The following SYNE3 variants were observed in gnomAD, a reference collection of about 807,000 sequenced individuals.
SYNE3 encodes the protein nesprin-3.
A neutral mutation model predicts 111.2 loss-of-function variants in SYNE3; 100 were observed. The ratio of observed to expected loss-of-function variants is 0.90; its 90% CI spans 0.77 to 1.06. The LOEUF is 1.06. Ranked by LOEUF, SYNE3 falls within the 50% of genes least tolerant of loss-of-function variation. SYNE3 has a pLI of 0.00. For missense variants in SYNE3, 1,160 were observed against 1,240.3 expected (o/e 0.94, Z 0.97); for synonymous variants, 547 against 533.9 (o/e 1.02, Z -0.34).
At position 95,455,419 on chromosome 14, in the gene SYNE3, C is replaced by A; in HGVS notation, c.1095G>T (p.Ala365=). 6.4e-7 allele frequency: 1 copy of A among 1,569,868 alleles called. No homozygotes were observed. The highest frequency in any genetic ancestry group is 1.9e-5 in the Admixed American group (1 of 51,808). ...AQEGLQPAAK[A]GTEDELVAHW... ...GTGCCACCAGCTCGTCCTCGGTCCC[C>A]GCTTTCGCCGCAGGCTGCAGGCCCT... The change falls in exon 6 of 18, where the codon GCG becomes GCT. Residue 365 remains alanine, a synonymous_variant. Transcript: ENST00000682763.
rs1889469012 is a variant in SYNE3, at chr14:95,485,017, A to G, written c.-14-9182T>C. On this transcript the variant is annotated intron_variant, in intron 1 of 17. Coordinates refer to ENST00000682763, the MANE Select transcript of SYNE3 (RefSeq NM_152592.6). This position sits in a 1 kb window ranked among gnomAD's most constrained non-coding sequence, Gnocchi z 4.3. Reference sequence around the variant, plus strand: ...GAATTTGCATTTCTAATGAGTATTTAGGTAACGTTGACACTGCTGCTCCAG... The same window carrying G: ...GAATTTGCATTTCTAATGAGTATTTGGGTAACGTTGACACTGCTGCTCCAG... Among the ~76,000 whole-genome samples, 1 of 152,130 alleles carries G rather than the reference A, an allele frequency of 6.6e-6. No homozygotes were observed. The highest frequency in any genetic ancestry group is 2.4e-5 in the African/African-American group (1 of 41,414).
At position 95,417,929 on chromosome 14, in the gene SYNE3, A is replaced by G; in HGVS notation, c.2825T>C (p.Phe942Ser). 6.2e-7 allele frequency: 1 copy of G among 1,614,122 alleles called. No homozygotes were observed. The highest frequency in any genetic ancestry group is 8.5e-7 in the Non-Finnish European group (1 of 1,180,026). The part of the protein sequence containing the change: ...LLLLLFLLLL[F>S]LLPIREEDRS... ...GTCCTCTTCCCTGATTGGGAGCAGG[A>G]ACAGCAGGAGGAGGAACAGCAGCAG... The change falls in exon 18 of 18, where the codon TTC (phenylalanine) becomes TCC (serine). Residue 942 changes from phenylalanine to serine, a missense_variant. Transcript: ENST00000682763.
At chr14:95,429,062 T>A (rs1885594590) in intron 17 of SYNE3, among the ~76,000 whole-genome samples, 1 of 152,240 alleles carries the variant, frequency 6.6e-6, no homozygotes, top group Admixed American at 6.5e-5. Context: ...TGTGCATACG[T>A]GCATGCGTGC....
rs34866057 is a variant in SYNE3 at position 95,491,773 on chromosome 14, T to TAA, written c.-14-15940_-14-15939dup. The stretch of plus-strand genomic sequence containing the variant: ...TTTTGTACTTCAAAGGCAAAAATGT[T>TAA]AAAAAAAAAAAAAAAAGTGACACCA... On this transcript the variant is annotated intron_variant, in intron 1 of 17. Coordinates refer to ENST00000682763, the MANE Select transcript of SYNE3 (RefSeq NM_152592.6). 9.4e-3 allele frequency among the ~76,000 whole-genome samples: 1,284 copies of TAA among 136,854 alleles called. 18 individuals carry two copies. The highest frequency in any genetic ancestry group is 0.013 in the Non-Finnish European group (811 of 62,400). 89.8% of individuals were successfully genotyped at this position (136,854 alleles called of 152,430 possible). A position where few individuals can be genotyped will look rare whatever the true frequency, so the allele number is the denominator to read the frequency against.
intron 4 of SYNE3, among the ~76,000 whole-genome samples, chr14:95,460,759 C>G: frequency 6.6e-6 from 1 of 152,174 alleles, no homozygotes; most frequent in South Asian, 2.1e-4. Flanking sequence ...CTGGAGCCTC[C>G]TCCATCAACA....
Position 95,466,243 on chromosome 14 carries a change from G to C in SYNE3, c.318-3C>G. ...GCAGCCACACCCACTCGATGCGGCT[G>C]TGGGCACAGAGACCTCAAGGTTGTG... On this transcript the variant is annotated splice_region_variant and splice_polypyrimidine_tract_variant and intron_variant, in intron 3 of 17. Coordinates refer to ENST00000682763, the MANE Select transcript of SYNE3 (RefSeq NM_152592.6). The C allele has an allele frequency of 6.4e-7, 1 of 1,558,824 alleles. No individual in the cohort carries two copies. The highest frequency in any genetic ancestry group is 8.7e-7 in the Non-Finnish European group (1 of 1,145,078).
chr14:95,450,505 T>TCTC (rs1887007022), intron 7 of SYNE3: 1 of 167,128 alleles, frequency 6.0e-6, no homozygotes, highest in Non-Finnish European at 1.3e-5. Flanking sequence ...CAAGACCCCA[T>TCTC]CCCCCCCAAA....
chr14:95,494,032 T>C (rs2139577358), intron 1 of SYNE3, among the ~76,000 whole-genome samples: 1 of 152,160 alleles, frequency 6.6e-6, no homozygotes. Context: ...TCTAACACCA[T>C]TTAGCCAGGT....
chr14:95,461,771 C>A (rs537858652), intron 4 of SYNE3, among the ~76,000 whole-genome samples: 2 of 152,252 alleles, frequency 1.3e-5, no homozygotes, highest in African/African-American at 2.4e-5. Flanking sequence ...TGGAGTCAGA[C>A]GACTGCCCCA....
intron 17 of SYNE3, 50 bp from the exon 18 acceptor site, chr14:95,418,076 G>T (rs750432904): frequency 1.8e-5 from 28 of 1,594,596 alleles, no homozygotes; most frequent in Non-Finnish European, 2.3e-5. Context: ...CTCTGGTGGT[G>T]GGGGGCAGGT....
intron 2 of SYNE3, among the ~76,000 whole-genome samples, chr14:95,475,275 G>A (rs1348053447): frequency 6.6e-6 from 1 of 152,196 alleles, no homozygotes; most frequent in Non-Finnish European, 1.5e-5. Context: ...GAAGACCTTG[G>A]CCAACCCAGA....
chr14:95,437,394 G>A (rs190602433), intron 14 of SYNE3, among the ~76,000 whole-genome samples: 54 of 152,300 alleles, frequency 3.5e-4, no homozygotes, highest in Admixed American at 9.1e-4. Flanking sequence ...GTTCCACTGC[G>A]CATGCTGTCT....
chr14:95,478,817 G>A (rs1175426016), intron 1 of SYNE3, among the ~76,000 whole-genome samples: 2 of 152,148 alleles, frequency 1.3e-5, no homozygotes, highest in Admixed American at 1.3e-4. Context: ...CACCACGAGG[G>A]CACTTGGCCT....
chr14:95,515,021 T>C (rs1890865186), intron 1 of SYNE3, among the ~76,000 whole-genome samples: 1 of 152,246 alleles, frequency 6.6e-6, no homozygotes, highest in South Asian at 2.1e-4. Context: ...GAAGTGTACC[T>C]GCAGGGAGCC....
chr14:95,446,696 A>G (rs1886739924), intron 8 of SYNE3, among the ~76,000 whole-genome samples: 1 of 152,224 alleles, frequency 6.6e-6, no homozygotes, highest in Non-Finnish European at 1.5e-5. Context: ...ACTGATGTGC[A>G]GGAGTTTGCC....
chr14:95,432,267 C>G (rs553295123), intron 16 of SYNE3, 150 bp from the exon 17 acceptor site: 1 of 893,558 alleles, frequency 1.1e-6, no homozygotes, highest in Non-Finnish European at 1.7e-6. Flanking sequence ...CCTGAGCCAG[C>G]AGATGATTCG....
chr14:95,468,986 G>T (rs1888359187), intron 2 of SYNE3, among the ~76,000 whole-genome samples: 1 of 152,136 alleles, frequency 6.6e-6, no homozygotes, highest in Non-Finnish European at 1.5e-5. Flanking sequence ...ACATTCTCTA[G>T]GCCTAAGAAT....
chr14:95,507,052 A>T (rs1890553769), intron 1 of SYNE3, among the ~76,000 whole-genome samples: 1 of 152,232 alleles, frequency 6.6e-6, no homozygotes, highest in African/African-American at 2.4e-5. Flanking sequence ...CAACACATCC[A>T]GCGAGGCGAG....
intron 1 of SYNE3, among the ~76,000 whole-genome samples, chr14:95,495,503 C>CCA (rs1890050812): frequency 6.6e-5 from 10 of 152,326 alleles, no homozygotes; most frequent in Middle Eastern, 3.4e-3. Context: ...GCAATAGTTC[C>CCA]CATGGGTGAG....
Sources: allele counts gnomAD v4.1 joint callset (sites outside exome capture counted in the v4.1 genomes callset), GRCh38; gene constraint gnomAD v4.1.1; non-coding constraint Gnocchi (gnomAD v3.1); transcripts MANE v1.5; gene names NCBI Gene and HGNC (gene_info 2026-07-23, HGNC 2026-07-21).